The following CALD1 variants were observed in gnomAD, a reference collection of about 807,000 sequenced individuals.
CALD1 encodes the protein caldesmon 1.
A neutral mutation model predicts 99.9 loss-of-function variants in CALD1; 33 were observed. That is an observed-to-expected ratio of 0.33 (90% CI 0.25 to 0.44). The LOEUF (loss-of-function observed/expected upper bound fraction) is 0.44. Among genes scored for constraint, CALD1 ranks in the 20% least tolerant of loss-of-function variants. The pLI is 1.00. For synonymous variants in CALD1, 310 were observed against 325.0 expected (o/e 0.95, Z 0.50); for missense variants, 861 against 962.1 (o/e 0.89, Z 1.39).
chr7:134,770,553 C>G (rs938685523), intron 1 of CALD1, among the ~76,000 whole-genome samples: 2 of 152,112 alleles, frequency 1.3e-5, no homozygotes, highest in East Asian at 1.9e-4. Context: ...GTATTCACCC[C>G]CTCTTCTCCT....
At chr7:134,941,931 G>A (rs1048958597) in intron 7 of CALD1, among the ~76,000 whole-genome samples, 3 of 152,064 alleles carry the variant, frequency 2.0e-5, no homozygotes, top group African/African-American at 4.8e-5. Context: ...TCAGACAGAC[G>A]AGACCAGTAT....
At chr7:134,726,474 TATATAATATATATTATATAGCTTTAG>T in the CALD1 span, among the ~76,000 whole-genome samples, 773 of 144,120 alleles carry the variant, frequency 5.4e-3, 13 homozygotes, top group Non-Finnish European at 6.8e-3. Context: ...TAGCTTTAGA[TATATAATATATATTATATAGCTTTAG>T]ATATATAATA....
At position 134,795,140 on chromosome 7, in the gene CALD1, T is replaced by C. The variant is rs74644543; in HGVS notation, c.-130+15391T>C. Among the ~76,000 whole-genome samples, 1,058 of 151,520 alleles carry C rather than the reference T, an allele frequency of 7.0e-3. 22 individuals are homozygous for C. Among genetic ancestry groups the C allele is most frequent in the African/African-American group, 0.024 (996 of 41,282 alleles). ...AATTTTGACCACAATTTTCTTTCTC[T>C]TTTTTTTTCAAATACTCTAAAAATT... On this transcript the variant is annotated intron_variant, in intron 1 of 14. Coordinates refer to ENST00000361675, the MANE Select transcript of CALD1 (RefSeq NM_033138.4).
At chr7:134,909,825 G>T (rs985761819) in intron 3 of CALD1, among the ~76,000 whole-genome samples, 2 of 152,156 alleles carry the variant, frequency 1.3e-5, no homozygotes, top group African/African-American at 4.8e-5. Context: ...GATAGGAGAA[G>T]AAAGGAGTTG....
chr7:134,771,727 T>A (rs1796879688), intron 1 of CALD1, among the ~76,000 whole-genome samples: 2 of 152,172 alleles, frequency 1.3e-5, no homozygotes, highest in Admixed American at 1.3e-4. Context: ...ATCTGGCCAC[T>A]GGCTCTCACT....
rs924234482 is a variant in CALD1 at position 134,808,311 on chromosome 7, T to C, written c.-130+28562T>C. On this transcript the variant is annotated intron_variant, in intron 1 of 14. Coordinates refer to ENST00000361675, the MANE Select transcript of CALD1 (RefSeq NM_033138.4). The stretch of plus-strand genomic sequence containing the variant: ...TTTGTAGAGACAACGTCTCACTATG[T>C]TGCCCAGGCTGGTCTTGAACTCCTG... Among the ~76,000 whole-genome samples the C allele has an allele frequency of 5.9e-5, 9 of 152,150 alleles. No individual in the cohort carries two copies. In the East Asian group the frequency reaches 1.4e-3, roughly 23 times the overall value.
At chr7:134,715,429 C>A in the CALD1 span, among the ~76,000 whole-genome samples, 1 of 152,154 alleles carries the variant, frequency 6.6e-6, no homozygotes, top group Non-Finnish European at 1.5e-5. Flanking sequence ...CAAGTATACA[C>A]CCTCTATTAA....
chr7:134,745,431 G>A (rs1469610825), intron 1 of CALD1: 4 of 152,140 alleles, frequency 2.6e-5, no homozygotes, highest in Non-Finnish European at 4.4e-5. Context: ...TCTGCATTCC[G>A]CTACTGGATT....
At chr7:134,780,292 G>A (rs1041514274) in intron 1 of CALD1, among the ~76,000 whole-genome samples, 5 of 152,146 alleles carry the variant, frequency 3.3e-5, no homozygotes, top group Admixed American at 2.6e-4. Flanking sequence ...AAGGAAATAC[G>A]GTCAGAGATG....
At chr7:134,822,882 A>G (rs1417131251) in intron 1 of CALD1, among the ~76,000 whole-genome samples, 1 of 152,190 alleles carries the variant, frequency 6.6e-6, no homozygotes, top group African/African-American at 2.4e-5. Flanking sequence ...TGTTCCTTGA[A>G]AGCAGAAACT....
chr7:134,935,887 C>T, intron 6 of CALD1, 122 bp downstream of exon 6: 1 of 907,306 alleles, frequency 1.1e-6, no homozygotes, highest in Non-Finnish European at 1.6e-6. Flanking sequence ...CAAGCCATGA[C>T]TCACAGTCCA....
At chr7:134,722,570 T>A in the CALD1 span, among the ~76,000 whole-genome samples, 4 of 151,950 alleles carry the variant, frequency 2.6e-5, no homozygotes, top group Admixed American at 6.6e-5. Flanking sequence ...TACAGGAGCA[T>A]GCCACCACAC....
chr7:134,714,372 G>A, the CALD1 span, among the ~76,000 whole-genome samples: 4 of 152,074 alleles, frequency 2.6e-5, no homozygotes, highest in Non-Finnish European at 4.4e-5. Context: ...CCTCCCAGCC[G>A]ACTTGTCCTT....
chr7:134,939,775 C>T (rs1036610016), intron 6 of CALD1, among the ~76,000 whole-genome samples: 1 of 152,046 alleles, frequency 6.6e-6, no homozygotes, highest in Non-Finnish European at 1.5e-5. Context: ...CCAGCCTGGC[C>T]AACAAGGTGA....
intron 9 of CALD1, among the ~76,000 whole-genome samples, chr7:134,957,278 C>T (rs1807847914): frequency 6.6e-6 from 1 of 152,130 alleles, no homozygotes; most frequent in South Asian, 2.1e-4. Context: ...CCTAGTTATT[C>T]AATCCTGTTA....
intron 3 of CALD1, among the ~76,000 whole-genome samples, chr7:134,927,831 G>A (rs1045215442): frequency 1.3e-5 from 2 of 149,240 alleles, no homozygotes; most frequent in East Asian, 3.9e-4. Flanking sequence ...GAACTGGAGG[G>A]AAAAACAAAA....
At chr7:134,727,526 T>C in the CALD1 span, among the ~76,000 whole-genome samples, 1 of 152,222 alleles carries the variant, frequency 6.6e-6, no homozygotes, top group Non-Finnish European at 1.5e-5. Flanking sequence ...TTTTATAAAG[T>C]AGCTTGAGCA....
intron 1 of CALD1, among the ~76,000 whole-genome samples, chr7:134,787,161 G>A (rs758550966): frequency 9.9e-5 from 15 of 152,026 alleles, no homozygotes; most frequent in Admixed American, 3.9e-4. Flanking sequence ...CAAATAATCC[G>A]TTTGGCCAGA....
At chr7:134,868,222 G>T (rs55723013) in intron 3 of CALD1, 1 of 156,752 alleles carries the variant, frequency 6.4e-6, no homozygotes, top group Admixed American at 6.2e-5. Flanking sequence ...AAAAAGCCCT[G>T]GATGAATCTT....
Sources: allele counts gnomAD v4.1 joint callset (sites outside exome capture counted in the v4.1 genomes callset), GRCh38; gene constraint gnomAD v4.1.1; transcripts MANE v1.5; gene names NCBI Gene and HGNC (gene_info 2026-07-23, HGNC 2026-07-21).